PJA2: variants seen among roughly 807,000 people sequenced by gnomAD.
PJA2 encodes the protein E3 ubiquitin-protein ligase Praja-2.
A neutral mutation model predicts 69.3 loss-of-function variants in PJA2; 25 were observed. That is an observed-to-expected ratio of 0.36 (90% confidence interval 0.26 to 0.50). The LOEUF is 0.50. PJA2 is among the 20% of genes least tolerant of loss of function. PJA2 has a pLI of 0.96. For synonymous variants in PJA2, 308 were observed against 277.8 expected (o/e 1.11, Z -1.08); for missense variants, 809 against 830.2 (o/e 0.97, Z 0.31).
chr5:109,400,654 C>A (rs1747522164), intron 1 of PJA2, among the ~76,000 whole-genome samples: 1 of 152,068 alleles, frequency 6.6e-6, no homozygotes, highest in Admixed American at 6.6e-5. Context: ...ACACATATCC[C>A]AAGATGTTAA....
chr5:109,350,389 A>G (rs1171104557), intron 7 of PJA2, among the ~76,000 whole-genome samples: 1 of 152,202 alleles, frequency 6.6e-6, no homozygotes, highest in Non-Finnish European at 1.5e-5. Context: ...CCTATCTAGA[A>G]TACATGTAGG....
chr5:109,401,432 T>C (rs570492947), intron 1 of PJA2, among the ~76,000 whole-genome samples: 1 of 152,012 alleles, frequency 6.6e-6, no homozygotes, highest in African/African-American at 2.4e-5. Context: ...TGCACTCCAC[T>C]TGGGCAACAG....
chr5:109,401,102 G>A (rs959511953), intron 1 of PJA2, among the ~76,000 whole-genome samples: 3 of 152,188 alleles, frequency 2.0e-5, no homozygotes, highest in Non-Finnish European at 4.4e-5. Context: ...GACTAGCATG[G>A]CCAACATGGT....
At chr5:109,379,279 T>A (rs374139059) in intron 3 of PJA2, 25 bp from the exon 4 acceptor site, 294 of 1,499,910 alleles carry the variant, frequency 2.0e-4, no homozygotes, top group Non-Finnish European at 2.1e-4. Context: ...AAAGAAAACA[T>A]ATTTTAAAGG....
Position 109,344,283 on chromosome 5 carries a change from G to A in PJA2, c.1908C>T (p.Ile636=). ...TAIGQEQCCP[I]CCSEYIKDDI... is the part of the protein sequence containing the mutation. ...CATCCTTAATATACTCACTGCAACA[G>A]ATTGGACAGCATTGTTCCTGACCAA... is the stretch of plus-strand genomic sequence containing the variant. The change falls in exon 9 of 10, where the codon ATC becomes ATT. Residue 636 remains isoleucine, a synonymous_variant. Coordinates refer to ENST00000361189, the MANE Select transcript of PJA2 (RefSeq NM_014819.5). 6.2e-7 allele frequency: 1 copy of A among 1,607,802 alleles called. No homozygotes were observed. Among genetic ancestry groups the A allele is most frequent in the Non-Finnish European group, 8.5e-7 (1 of 1,177,590 alleles).
chr5:109,383,308 C>T (rs1561359281), intron 2 of PJA2, 95 bp downstream of exon 2: 2 of 1,093,118 alleles, frequency 1.8e-6, no homozygotes, highest in East Asian at 4.9e-5. Context: ...TTAGTAAGAC[C>T]ACAGGTCAGA....
At chr5:109,386,448 A>C (rs144031058) in intron 1 of PJA2, among the ~76,000 whole-genome samples, 96 of 152,284 alleles carry the variant, frequency 6.3e-4, no homozygotes, top group African/African-American at 1.9e-3. Context: ...AAATCATGGA[A>C]ATCACCCTGT....
At chr5:109,400,179 A>C (rs2127017687) in intron 1 of PJA2, among the ~76,000 whole-genome samples, 1 of 151,916 alleles carries the variant, frequency 6.6e-6, no homozygotes, top group African/African-American at 2.4e-5. Context: ...AATTCCAGCT[A>C]CTCAGGAGGC....
chr5:109,345,476 T>C (rs1762157245), intron 7 of PJA2, among the ~76,000 whole-genome samples: 1 of 131,476 alleles, frequency 7.6e-6, no homozygotes, highest in Non-Finnish European at 1.5e-5. Flanking sequence ...GAGATCACCA[T>C]GCACTCCAGC....
At position 109,394,651 on chromosome 5, in the gene PJA2, G is replaced by A. The variant is rs116091384; in HGVS notation, c.-87-11131C>T. Among the ~76,000 whole-genome samples the A allele has an allele frequency of 5.7e-3, 868 of 152,202 alleles. 11 individuals are homozygous for A. Among genetic ancestry groups the A allele is most frequent in the African/African-American group, 0.019 (800 of 41,524 alleles). ...GACCACTGAAAACTAGGCTGTCTAA[G>A]ACACTTCAGAATGCAAAAACATGCA... On this transcript the variant is annotated intron_variant, in intron 1 of 9. Transcript: ENST00000361189.
In PJA2 at chr5:109,335,114, G is replaced by A. The variant is rs953869113; in HGVS notation, c.*2117C>T. 6.6e-6 allele frequency: 1 copy of A among 152,590 alleles called. No individual in the cohort carries two copies. Among genetic ancestry groups the A allele is most frequent in the Admixed American group, 6.5e-5 (1 of 15,278 alleles). The allele number at this position is 152,590 out of a possible 1,614,324, so 9.5% of individuals were successfully genotyped here. On this transcript the variant is annotated 3_prime_UTR_variant, in exon 10 of 10. Transcript: ENST00000361189. ...ACTTTTTCAAAAGGATCCAAGATAT[G>A]ATCAAATAATATTTTAGTATCTGAA... is the stretch of plus-strand genomic sequence containing the variant.
At chr5:109,381,751 T>C (rs1747053555) in intron 2 of PJA2, 48 bp from the exon 3 acceptor site, 1 of 1,536,584 alleles carries the variant, frequency 6.5e-7, no homozygotes, top group Non-Finnish European at 8.9e-7. Flanking sequence ...ATGAGCTTTA[T>C]TCTTGCAACC....
intron 1 of PJA2, among the ~76,000 whole-genome samples, chr5:109,398,972 G>A (rs1274578183): frequency 6.6e-6 from 1 of 152,058 alleles, no homozygotes; most frequent in Non-Finnish European, 1.5e-5. Flanking sequence ...AGCACTTTGG[G>A]AGGCCAAGGT....
intron 8 of PJA2, 131 bp from the exon 9 acceptor site, chr5:109,344,442 G>A: frequency 2.0e-6 from 2 of 989,154 alleles, no homozygotes; most frequent in Non-Finnish European, 2.9e-6. Context: ...TTAATTGGCA[G>A]GCATTTCTGT....
intron 1 of PJA2, among the ~76,000 whole-genome samples, chr5:109,384,887 G>A (rs894491850): frequency 3.1e-4 from 47 of 151,908 alleles, no homozygotes; most frequent in Admixed American, 1.5e-3. Flanking sequence ...GCTTGATCTC[G>A]GCTCACTGCA....
intron 1 of PJA2, among the ~76,000 whole-genome samples, chr5:109,384,523 CACCTT>C (rs1747117710): frequency 6.6e-6 from 1 of 151,938 alleles, no homozygotes; most frequent in African/African-American, 2.4e-5. Context: ...TTTATTTAAA[CACCTT>C]ATTTATTTAA....
chr5:109,346,657 C>G (rs192679188), intron 7 of PJA2, among the ~76,000 whole-genome samples: 160 of 152,270 alleles, frequency 1.1e-3, no homozygotes, highest in African/African-American at 3.6e-3. Context: ...AAGCCAGTCA[C>G]AGAAAGATAA....
chr5:109,353,378 CT>C lies in PJA2; in HGVS notation c.1764+2536del, dbSNP rs1392245532. Among the ~76,000 whole-genome samples, 12 of 132,392 alleles carry C rather than the reference CT, an allele frequency of 9.1e-5. 1 individual carries two copies. The highest frequency in any genetic ancestry group is 1.7e-4 in the Admixed American group (2 of 12,082). 86.9% of individuals were successfully genotyped at this position (132,392 alleles called of 152,430 possible). On this transcript the variant is annotated intron_variant, in intron 7 of 9. Transcript: ENST00000361189. ...TCTATATATTAGATACCTATTATATCTATAGACATCTATATATTAGATACCT... is the reference window on the plus strand; with the variant it reads ...TCTATATATTAGATACCTATTATATCATAGACATCTATATATTAGATACCT...
intron 1 of PJA2, among the ~76,000 whole-genome samples, chr5:109,407,042 T>C (rs1747705984): frequency 6.6e-6 from 1 of 152,188 alleles, no homozygotes; most frequent in Non-Finnish European, 1.5e-5. Context: ...GGTGAAATTG[T>C]GATTGACTGC....
Sources: allele counts gnomAD v4.1 joint callset (sites outside exome capture counted in the v4.1 genomes callset), GRCh38; gene constraint gnomAD v4.1.1; transcripts MANE v1.5; gene names NCBI Gene and HGNC (gene_info 2026-07-23, HGNC 2026-07-21).